The following ATF3 variants were observed in gnomAD, a reference collection of about 807,000 sequenced individuals.
ATF3 encodes activating transcription factor 3.
Under a neutral mutation model 18.4 loss-of-function variants are expected in ATF3, and 10 were observed. The observed-to-expected ratio is 0.54, with a 90% CI of 0.34 to 0.92. The LOEUF (loss-of-function observed/expected upper bound fraction) is 0.92, where lower values mean the gene tolerates loss of function less well. ATF3 is among the 40% of genes least tolerant of loss of function. The pLI is 0.02. For synonymous variants in ATF3, 78 were observed against 87.9 expected, an observed-to-expected ratio of 0.89 and a Z score of 0.63; for missense variants, 183 against 222.3, an observed-to-expected ratio of 0.82 and a Z score of 1.12.
chr1:212,612,137 C>T (rs867826024), intron 1 of ATF3, among the ~76,000 whole-genome samples: 14 of 152,180 alleles, frequency 9.2e-5, no homozygotes, highest in African/African-American at 2.9e-4. Flanking sequence ...CAAATCTCGA[C>T]AGATACATCT....
chr1:212,619,286 C>T lies in ATF3; in HGVS notation c.349-72C>T, dbSNP rs922537105. Reference sequence around the variant, plus strand: ...TCCCAGGTACACCCCTGCATCCAGGCAGCAGCCCAGGCCACCCCCTCCTCA... The same window carrying T: ...TCCCAGGTACACCCCTGCATCCAGGTAGCAGCCCAGGCCACCCCCTCCTCA... On this transcript the variant is annotated intron_variant, in intron 3 of 3. Transcript: ENST00000341491. The surrounding 1 kb of genome is among the most constrained non-coding windows in gnomAD (Gnocchi z 4.4). The T allele has an allele frequency of 1.9e-6, 3 of 1,611,532 alleles. No individual in the cohort carries two copies. The highest frequency in any genetic ancestry group is 1.7e-5 in the Admixed American group (1 of 59,992).
intron 1 of ATF3, among the ~76,000 whole-genome samples, chr1:212,614,341 A>C (rs1218687241): frequency 6.6e-6 from 1 of 152,096 alleles, no homozygotes; most frequent in African/African-American, 2.4e-5. Flanking sequence ...CTTAACCTTA[A>C]GAATCCACCT....
intron 1 of ATF3, among the ~76,000 whole-genome samples, chr1:212,576,016 C>A (rs1464252255): frequency 1.3e-5 from 2 of 151,944 alleles, no homozygotes; most frequent in African/African-American, 2.4e-5. Context: ...TTCCTCCTAC[C>A]CTCTGAAAGA....
At chr1:212,566,666 G>A (rs527590803) in intron 1 of ATF3, among the ~76,000 whole-genome samples, 11 of 152,268 alleles carry the variant, frequency 7.2e-5, no homozygotes, top group Non-Finnish European at 1.5e-5. Context: ...CAGCAGCCGA[G>A]GAAGGGGAAA....
intron 1 of ATF3, among the ~76,000 whole-genome samples, chr1:212,566,171 G>A (rs1664378787): frequency 6.6e-6 from 1 of 152,182 alleles, no homozygotes; most frequent in East Asian, 1.9e-4. Flanking sequence ...CCAAGTAAAA[G>A]CTGTGTGACC....
At chr1:212,595,432 GC>G (rs1372244101) in intron 1 of ATF3, among the ~76,000 whole-genome samples, 1 of 152,220 alleles carries the variant, frequency 6.6e-6, no homozygotes, top group Non-Finnish European at 1.5e-5. Flanking sequence ...AGCAGCCCCA[GC>G]CCGGTGCTCC....
upstream of ATF3, among the ~76,000 whole-genome samples, chr1:212,608,438 A>G (rs561805868): frequency 6.6e-6 from 1 of 152,246 alleles, no homozygotes; most frequent in East Asian, 1.9e-4. Context: ...AGCAGCGAGT[A>G]CGCACATCTG....
intron 1 of ATF3, among the ~76,000 whole-genome samples, chr1:212,569,001 T>G (rs1664432688): frequency 6.6e-6 from 1 of 152,216 alleles, no homozygotes; most frequent in African/African-American, 2.4e-5. Context: ...AATAGGGTTT[T>G]TAAGTTAGTA....
chr1:212,614,397 C>G (rs1655016098), intron 1 of ATF3, among the ~76,000 whole-genome samples: 1 of 152,150 alleles, frequency 6.6e-6, no homozygotes, highest in Admixed American at 6.5e-5. Context: ...CACCTGGCTA[C>G]AGTTACCTTT....
chr1:212,570,396 T>C (rs903211800), intron 1 of ATF3, among the ~76,000 whole-genome samples: 1 of 152,208 alleles, frequency 6.6e-6, no homozygotes, highest in African/African-American at 2.4e-5. Context: ...AAATGGATCA[T>C]TCAGTAAGTT....
At chr1:212,602,360 T>A (rs1174444346) in intron 1 of ATF3, among the ~76,000 whole-genome samples, 1 of 152,078 alleles carries the variant, frequency 6.6e-6, no homozygotes, top group Non-Finnish European at 1.5e-5. Context: ...GGTTCACGAG[T>A]CTCAATGGCT....
At chr1:212,595,591 A>G (rs905561319) in intron 1 of ATF3, among the ~76,000 whole-genome samples, 6 of 152,152 alleles carry the variant, frequency 3.9e-5, no homozygotes, top group Admixed American at 3.3e-4. Flanking sequence ...CTGGGAAACC[A>G]TTACTCGAAT....
intron 1 of ATF3, among the ~76,000 whole-genome samples, chr1:212,580,820 G>A (rs1486970456): frequency 6.6e-6 from 1 of 152,160 alleles, no homozygotes; most frequent in Non-Finnish European, 1.5e-5. Context: ...CCAGGCTGGA[G>A]TGCAGTGGCA....
At chr1:212,611,685 A>T (rs767491132) in intron 1 of ATF3, among the ~76,000 whole-genome samples, 7 of 152,232 alleles carry the variant, frequency 4.6e-5, no homozygotes, top group Non-Finnish European at 7.3e-5. Flanking sequence ...TGCTTAGTGG[A>T]AAGAGGATGA....
chr1:212,583,097 C>T (rs1664714900), intron 1 of ATF3, among the ~76,000 whole-genome samples: 1 of 152,156 alleles, frequency 6.6e-6, no homozygotes, highest in African/African-American at 2.4e-5. Context: ...AGGCTCACTC[C>T]TAACTGGTTT....
At position 212,595,125 on chromosome 1, in the gene ATF3, C is replaced by T. The variant is rs533212292; in HGVS notation, c.-4-19893C>T. 5.0e-4 allele frequency among the ~76,000 whole-genome samples: 76 copies of T among 152,256 alleles called. No homozygotes were observed. In the South Asian group the frequency reaches 9.3e-3, roughly 19 times the overall value. On this transcript the variant is annotated intron_variant, in intron 1 of 3. Coordinates refer to the ATF3 transcript ENST00000366981. ...AGATGAGCAAAATAGGATACCCACT[C>T]CCAAGGAGTTCATAAAACTGTAGGG... is the stretch of plus-strand genomic sequence containing the variant.
Position 212,618,675 on chromosome 1 carries a change from A to T in ATF3, c.348+441A>T. 2.4e-6 allele frequency: 1 copy of T among 421,738 alleles called. No homozygotes were observed. 26.1% of individuals were successfully genotyped at this position (421,738 alleles called of 1,614,324 possible). ...CAAGCAGTGGTTACACTTGCTTTGC[A>T]TTCTTGTCTGGTTCCTAACTCTAGA... On this transcript the variant is annotated intron_variant, in intron 3 of 3. Transcript: ENST00000341491. This position sits in a 1 kb window ranked among gnomAD's most constrained non-coding sequence, Gnocchi z 4.4.
intron 1 of ATF3, among the ~76,000 whole-genome samples, chr1:212,583,138 G>T (rs922411188): frequency 1.2e-4 from 18 of 152,182 alleles, no homozygotes; most frequent in African/African-American, 4.3e-4. Flanking sequence ...ATAACAAAAT[G>T]AAAATGGGCT....
At chr1:212,592,766 T>C (rs1664913840) in intron 1 of ATF3, among the ~76,000 whole-genome samples, 1 of 152,082 alleles carries the variant, frequency 6.6e-6, no homozygotes, top group Non-Finnish European at 1.5e-5. Context: ...GGCCCTTGTA[T>C]CTGATGGTCT....
Sources: gnomAD v4.1 joint callset for allele counts (sites outside exome capture counted in the v4.1 genomes callset) on GRCh38, gnomAD v4.1.1 for gene constraint, Gnocchi (gnomAD v3.1) non-coding constraint, MANE v1.5 for transcripts, NCBI Gene and HGNC (gene_info 2026-07-23, HGNC 2026-07-21) for gene names.